CHCT1: variants seen among roughly 807,000 people sequenced by gnomAD.
CHCT1 encodes the protein CHD1 helical C-terminal domain containing 1.
chr17:60,422,390 C>A, the CHCT1 span: 2 of 1,348,734 alleles, frequency 1.5e-6, no homozygotes, highest in Non-Finnish European at 2.0e-6. Flanking sequence ...GCTGGAGGGG[C>A]CAGCTGCAGC....
chr17:60,426,760 A>C, the CHCT1 span: 6 of 1,611,308 alleles, frequency 3.7e-6, no homozygotes, highest in Admixed American at 6.7e-5. Flanking sequence ...AGCTGGAAGC[A>C]AAGCAGCTTC....
At chr17:60,421,731 A>G in the CHCT1 span, 30 of 789,442 alleles carry the variant, frequency 3.8e-5, no homozygotes, top group Non-Finnish European at 4.1e-5. Flanking sequence ...CTCAGACTAC[A>G]CCCGGACTCT....
At chr17:60,428,212 C>T in the CHCT1 span, among the ~76,000 whole-genome samples, 2 of 152,052 alleles carry the variant, frequency 1.3e-5, no homozygotes, top group African/African-American at 2.4e-5. Context: ...AATGAAGATC[C>T]CAAATACAGG....
the CHCT1 span, chr17:60,429,389 G>C: frequency 6.2e-7 from 1 of 1,614,048 alleles, no homozygotes; most frequent in South Asian, 1.1e-5. Flanking sequence ...GGATGCGCCG[G>C]AGAGGTCCTT....
At chr17:60,427,129 G>A in the CHCT1 span, among the ~76,000 whole-genome samples, 10 of 152,228 alleles carry the variant, frequency 6.6e-5, no homozygotes, top group African/African-American at 2.2e-4. Flanking sequence ...GGAAGCGGCC[G>A]TGTAGAGTAG....
the CHCT1 span, among the ~76,000 whole-genome samples, chr17:60,424,737 G>T: frequency 6.6e-6 from 1 of 152,110 alleles, no homozygotes; most frequent in Admixed American, 6.6e-5. Context: ...GCCAGGCGTT[G>T]TGGTGCACGC....
the CHCT1 span, chr17:60,425,911 T>C: frequency 2.6e-6 from 4 of 1,523,874 alleles, no homozygotes; most frequent in East Asian, 4.9e-5. Context: ...CCTGGAACCC[T>C]GTCCCCTTTT....
the CHCT1 span, chr17:60,429,316 T>TC: frequency 6.4e-7 from 1 of 1,574,400 alleles, no homozygotes; most frequent in Non-Finnish European, 8.7e-7. Context: ...AAAGTTCAGG[T>TC]CCCCCTCTTC....
the CHCT1 span, chr17:60,422,735 G>C: frequency 1.5e-6 from 2 of 1,337,666 alleles, no homozygotes; most frequent in Non-Finnish European, 2.0e-6. Context: ...AAGAAGAGAA[G>C]AACAATGATA....
chr17:60,429,147 T>C, the CHCT1 span, among the ~76,000 whole-genome samples: 4 of 152,194 alleles, frequency 2.6e-5, no homozygotes, highest in Non-Finnish European at 5.9e-5. Context: ...GATCTCAAAA[T>C]AAAGGACAAC....
the CHCT1 span, chr17:60,426,735 T>C: frequency 6.2e-7 from 1 of 1,611,110 alleles, no homozygotes; most frequent in Non-Finnish European, 8.5e-7. Flanking sequence ...TGGCGGTTCA[T>C]CTCCCTCTTC....
the CHCT1 span, chr17:60,426,277 C>A: frequency 1.9e-6 from 3 of 1,551,944 alleles, no homozygotes; most frequent in South Asian, 3.6e-5. Context: ...TCCTAGGGGA[C>A]CACATCAACA....
the CHCT1 span, among the ~76,000 whole-genome samples, chr17:60,422,909 G>A: frequency 6.6e-6 from 1 of 152,178 alleles, no homozygotes; most frequent in South Asian, 2.1e-4. Flanking sequence ...TCTGTGTGTG[G>A]TTGTGTGGTG....
At chr17:60,429,816 T>A in the CHCT1 span, among the ~76,000 whole-genome samples, 1 of 151,962 alleles carries the variant, frequency 6.6e-6, no homozygotes, top group Non-Finnish European at 1.5e-5. Context: ...TTTTATTATT[T>A]ATTTATTTTA....
At chr17:60,423,797 G>C in the CHCT1 span, among the ~76,000 whole-genome samples, 2 of 152,142 alleles carry the variant, frequency 1.3e-5, no homozygotes, top group East Asian at 3.8e-4. Flanking sequence ...CCACTTTTGT[G>C]GTCAAAGGTT....
At chr17:60,423,074 C>T in the CHCT1 span, among the ~76,000 whole-genome samples, 1 of 152,188 alleles carries the variant, frequency 6.6e-6, no homozygotes, top group Non-Finnish European at 1.5e-5. Flanking sequence ...CGAACACAGA[C>T]TAGAATTCAT....
At chr17:60,431,022 T>G in the CHCT1 span, among the ~76,000 whole-genome samples, 1 of 152,196 alleles carries the variant, frequency 6.6e-6, no homozygotes, top group South Asian at 2.1e-4. Context: ...ATCTCTCTAC[T>G]GGGTTTCTGT....
the CHCT1 span, among the ~76,000 whole-genome samples, chr17:60,422,864 T>G: frequency 0.034 from 5,154 of 152,244 alleles, 140 homozygotes; most frequent in South Asian, 0.073. Context: ...TTGTTGGTTA[T>G]GAAGACTTGA....
the CHCT1 span, chr17:60,425,795 T>A: frequency 6.4e-7 from 1 of 1,551,282 alleles, no homozygotes; most frequent in Non-Finnish European, 8.7e-7. Flanking sequence ...GACAAATGTG[T>A]CATGCCTGGA....
Sources: allele counts gnomAD v4.1 joint callset (sites outside exome capture counted in the v4.1 genomes callset), GRCh38; gene constraint gnomAD v4.1.1; transcripts MANE v1.5; gene names NCBI Gene and HGNC (gene_info 2026-07-23, HGNC 2026-07-21).